The following OPCML variants were observed in gnomAD, a reference collection of about 807,000 sequenced individuals.
OPCML encodes opioid-binding protein/cell adhesion molecule.
A neutral mutation model predicts 37.8 loss-of-function variants in OPCML; 13 were observed. That is an observed-to-expected ratio of 0.34 (90% CI 0.22 to 0.55). The LOEUF is 0.55. Among genes scored for constraint, OPCML ranks in the 20% least tolerant of loss-of-function variants. OPCML has a pLI of 0.91. For missense variants in OPCML, 341 were observed against 435.6 expected, an observed-to-expected ratio of 0.78 and a Z score of 1.93; for synonymous variants, 176 against 168.8, an observed-to-expected ratio of 1.04 and a Z score of -0.33.
At chr11:132,942,775 C>T in intron 2 of OPCML, 151 bp downstream of exon 2, 1 of 971,710 alleles carries the variant, frequency 1.0e-6, no homozygotes, top group Non-Finnish European at 1.5e-6. Context: ...GCACGGCAGT[C>T]GGCACGGCAG....
chr11:133,489,178 A>G (rs1373249141), intron 1 of OPCML, among the ~76,000 whole-genome samples: 1 of 152,160 alleles, frequency 6.6e-6, no homozygotes, highest in Non-Finnish European at 1.5e-5. Context: ...CAAAGAATTT[A>G]TGACCAAGTT....
intron 1 of OPCML, among the ~76,000 whole-genome samples, chr11:133,314,092 G>A (rs951719835): frequency 6.9e-6 from 1 of 145,966 alleles, no homozygotes; most frequent in Non-Finnish European, 1.5e-5. Context: ...AAAATTAGCC[G>A]GGCGTAGTGG....
chr11:132,721,832 G>A (rs1385548699), intron 2 of OPCML, among the ~76,000 whole-genome samples: 1 of 152,042 alleles, frequency 6.6e-6, no homozygotes, highest in Non-Finnish European at 1.5e-5. Flanking sequence ...TGAAGGAAAG[G>A]AGAGAGAGAA....
intron 1 of OPCML, among the ~76,000 whole-genome samples, chr11:133,355,100 G>A (rs1386516548): frequency 1.3e-5 from 2 of 152,190 alleles, no homozygotes; most frequent in African/African-American, 4.8e-5. Context: ...AAGGTAATAT[G>A]TGTTTAATAC....
chr11:132,429,996 T>TGGGGCATTGTGGGGTGAGA (rs2095990971), intron 7 of OPCML, among the ~76,000 whole-genome samples: 1 of 151,714 alleles, frequency 6.6e-6, no homozygotes, highest in African/African-American at 2.4e-5. Flanking sequence ...AAGCCAGAAG[T>TGGGGCATTGTGGGGTGAGA]GGGGCATTGT....
rs570529694 is a variant in OPCML, at chr11:133,381,675, G to A, written c.61+150589C>T. 6.8e-4 allele frequency among the ~76,000 whole-genome samples: 104 copies of A among 152,260 alleles called. 1 individual carries two copies. The South Asian group carries it at 0.019, about 27-fold the overall frequency. ...TGTAGAGACAGAAGGAGTGACCAGAGGGAGACCTCAGTGAGCGTAACGAGT... is the reference window on the plus strand; with the variant it reads ...TGTAGAGACAGAAGGAGTGACCAGAAGGAGACCTCAGTGAGCGTAACGAGT... On this transcript the variant is annotated intron_variant, in intron 1 of 7. Coordinates refer to ENST00000524381, the MANE Select transcript of OPCML (RefSeq NM_001012393.5).
intron 1 of OPCML, among the ~76,000 whole-genome samples, chr11:133,291,280 C>A (rs1462620190): frequency 6.6e-6 from 1 of 152,220 alleles, no homozygotes; most frequent in Non-Finnish European, 1.5e-5. Flanking sequence ...TCTCCAAAAT[C>A]ATGATAATGA....
At chr11:133,102,122 G>T (rs765659517) in intron 1 of OPCML, among the ~76,000 whole-genome samples, 4 of 152,166 alleles carry the variant, frequency 2.6e-5, no homozygotes, top group Non-Finnish European at 5.9e-5. Flanking sequence ...TATTATCATG[G>T]TGGATACATG....
chr11:133,437,672 CCGCT>C (rs1946267155), intron 1 of OPCML, among the ~76,000 whole-genome samples: 1 of 149,116 alleles, frequency 6.7e-6, no homozygotes, highest in African/African-American at 2.5e-5. Flanking sequence ...CCTCTCAACC[CCGCT>C]CACCTCTCCC....
At chr11:132,651,381 C>A (rs1229654400) in intron 3 of OPCML, among the ~76,000 whole-genome samples, 7 of 152,090 alleles carry the variant, frequency 4.6e-5, no homozygotes, top group Non-Finnish European at 2.9e-5. Flanking sequence ...GAAGCATAAT[C>A]AAAAGAGATA....
At chr11:132,734,943 T>C (rs185355867) in intron 2 of OPCML, among the ~76,000 whole-genome samples, 14 of 152,294 alleles carry the variant, frequency 9.2e-5, no homozygotes, top group Admixed American at 5.9e-4. Context: ...TGTTATTATG[T>C]GGGGCAGAAA....
chr11:132,716,538 GATT>G (rs1944501814), intron 2 of OPCML, among the ~76,000 whole-genome samples: 1 of 152,072 alleles, frequency 6.6e-6, no homozygotes, highest in Admixed American at 6.5e-5. Flanking sequence ...CCCTGTGAAG[GATT>G]ATATGTGAAT....
At chr11:132,495,615 G>C (rs1053254438) in intron 4 of OPCML, among the ~76,000 whole-genome samples, 10 of 152,142 alleles carry the variant, frequency 6.6e-5, no homozygotes, top group African/African-American at 2.4e-4. Flanking sequence ...CTCTTGGCCT[G>C]GCGCAGTGGC....
chr11:133,278,080 T>C (rs1367755058), intron 1 of OPCML, among the ~76,000 whole-genome samples: 1 of 152,184 alleles, frequency 6.6e-6, no homozygotes, highest in African/African-American at 2.4e-5. Flanking sequence ...GGGGACACCT[T>C]GGTCTGGATA....
At chr11:133,467,314 T>G (rs535877497) in intron 1 of OPCML, among the ~76,000 whole-genome samples, 179 of 152,306 alleles carry the variant, frequency 1.2e-3, no homozygotes, top group African/African-American at 4.2e-3. Flanking sequence ...ATGGGGTTCC[T>G]AGGCACCCTT....
intron 2 of OPCML, among the ~76,000 whole-genome samples, chr11:132,830,137 T>C (rs529606598): frequency 6.6e-6 from 1 of 152,366 alleles, no homozygotes; most frequent in East Asian, 1.9e-4. Flanking sequence ...GTTGCATTTG[T>C]ACCAGTTCAT....
intron 2 of OPCML, among the ~76,000 whole-genome samples, chr11:132,725,975 T>C (rs1289916317): frequency 1.3e-5 from 2 of 152,194 alleles, no homozygotes; most frequent in East Asian, 3.9e-4. Context: ...GCCTGGACTT[T>C]ATTGTCCATA....
intron 1 of OPCML, among the ~76,000 whole-genome samples, chr11:133,204,429 T>A (rs1938944177): frequency 6.6e-6 from 1 of 152,108 alleles, no homozygotes; most frequent in African/African-American, 2.4e-5. Flanking sequence ...CATCAGGTCT[T>A]CATAAAGAAG....
intron 2 of OPCML, among the ~76,000 whole-genome samples, chr11:132,822,607 T>TG (rs1307224666): frequency 1.3e-5 from 2 of 152,050 alleles, no homozygotes; most frequent in Non-Finnish European, 2.9e-5. Flanking sequence ...CCTTCCCTGG[T>TG]GACCCAAGGA....
Sources: gnomAD v4.1 joint callset for allele counts (sites outside exome capture counted in the v4.1 genomes callset) on GRCh38, gnomAD v4.1.1 for gene constraint, MANE v1.5 for transcripts, NCBI Gene and HGNC (gene_info 2026-07-23, HGNC 2026-07-21) for gene names.